The following SNTG2 variants were observed in gnomAD, a reference collection of about 807,000 sequenced individuals.
SNTG2 encodes syntrophin gamma 2.
Under a neutral mutation model 70.9 loss-of-function variants are expected in SNTG2, and 74 were observed. The observed-to-expected ratio is 1.04, with a 90% confidence interval of 0.86 to 1.27. The LOEUF (loss-of-function observed/expected upper bound fraction) is 1.27, where lower values mean the gene tolerates loss of function less well. Ranked by LOEUF, SNTG2 falls within the 50% of genes most tolerant of loss-of-function variation. SNTG2 has a pLI of 0.00. For missense variants in SNTG2, 717 were observed against 690.7 expected (o/e 1.04, Z -0.43); for synonymous variants, 278 against 273.8 (o/e 1.02, Z -0.15).
intron 14 of SNTG2, among the ~76,000 whole-genome samples, chr2:1,289,253 A>G (rs1679892038): frequency 6.6e-6 from 1 of 152,066 alleles, no homozygotes; most frequent in African/African-American, 2.4e-5. Context: ...CCTCAGACCC[A>G]CATCCCCAGG....
At chr2:1,134,781 G>A (rs1285672731) in intron 4 of SNTG2, among the ~76,000 whole-genome samples, 3 of 152,156 alleles carry the variant, frequency 2.0e-5, no homozygotes, top group African/African-American at 7.2e-5. Flanking sequence ...AGGGGGCGTC[G>A]CTCGTTGGGG....
intron 9 of SNTG2, chr2:1,210,365 T>C (rs1673958511): frequency 6.6e-6 from 1 of 152,094 alleles, no homozygotes; most frequent in African/African-American, 2.4e-5. Flanking sequence ...GATGGATGGA[T>C]AGGTAGATAG....
At chr2:1,276,585 C>A (rs1679278523) in intron 14 of SNTG2, among the ~76,000 whole-genome samples, 1 of 152,202 alleles carries the variant, frequency 6.6e-6, no homozygotes, top group Non-Finnish European at 1.5e-5. Flanking sequence ...ATTGACAATG[C>A]AATTGGTCAC....
chr2:1,309,124 A>C (rs1680854730), intron 15 of SNTG2, among the ~76,000 whole-genome samples: 1 of 152,232 alleles, frequency 6.6e-6, no homozygotes, highest in Non-Finnish European at 1.5e-5. Flanking sequence ...CTCTGTGTTA[A>C]TTAAGAATGA....
chr2:1,254,135 G>A (rs1677914919), intron 12 of SNTG2, among the ~76,000 whole-genome samples: 1 of 152,224 alleles, frequency 6.6e-6, no homozygotes, highest in South Asian at 2.1e-4. Flanking sequence ...AACCGTATCA[G>A]AAGGGAAATG....
At chr2:1,134,540 C>T (rs1668238955) in intron 4 of SNTG2, among the ~76,000 whole-genome samples, 1 of 151,978 alleles carries the variant, frequency 6.6e-6, no homozygotes, top group African/African-American at 2.4e-5. Flanking sequence ...ACACAGGATG[C>T]TGATTGGTGT....
intron 4 of SNTG2, among the ~76,000 whole-genome samples, chr2:1,117,765 G>A (rs1046319703): frequency 9.8e-5 from 15 of 152,312 alleles, no homozygotes; most frequent in South Asian, 6.2e-4. Context: ...CCCAGGCTGC[G>A]CTGGCATCTT....
At chr2:1,179,320 TTTAG>T (rs1671702323) in intron 8 of SNTG2, among the ~76,000 whole-genome samples, 1 of 152,166 alleles carries the variant, frequency 6.6e-6, no homozygotes, top group Non-Finnish European at 1.5e-5. Context: ...CTGCTCTGAT[TTTAG>T]TTAGCCCAAA....
chr2:1,186,500 A>C (rs1033646482), intron 8 of SNTG2, among the ~76,000 whole-genome samples: 2 of 152,200 alleles, frequency 1.3e-5, no homozygotes, highest in African/African-American at 4.8e-5. Flanking sequence ...TTTATCAAGA[A>C]AAGGGGTTTA....
intron 16 of SNTG2, among the ~76,000 whole-genome samples, chr2:1,321,550 G>A (rs1471100284): frequency 6.6e-6 from 1 of 152,120 alleles, no homozygotes; most frequent in Non-Finnish European, 1.5e-5. Context: ...CTTGGCAGGA[G>A]CACCGATCGA....
chr2:1,301,173 G>A (rs73177784), intron 14 of SNTG2, among the ~76,000 whole-genome samples: 1,755 of 152,210 alleles, frequency 0.012, 36 homozygotes, highest in African/African-American at 0.04. Flanking sequence ...GGGTCAAGGT[G>A]ACATGCATGG....
Position 957,458 on chromosome 2 carries a change from G to A in SNTG2, c.72+6390G>A, listed in dbSNP as rs182034895. Among the ~76,000 whole-genome samples the A allele has an allele frequency of 1.6e-4, 24 of 152,170 alleles. No individual in the cohort carries two copies. The East Asian group carries it at 4.6e-3, about 29-fold the overall frequency. On this transcript the variant is annotated intron_variant, in intron 1 of 16. Transcript: ENST00000308624. ...CTTTATCATGATGCACCTTACGTAC[G>A]TGCAGACACAGACACACAGAATTTA...
intron 6 of SNTG2, among the ~76,000 whole-genome samples, chr2:1,145,830 G>A (rs7560835): frequency 0.99 from 150,483 of 152,312 alleles, 74,363 homozygotes; most frequent in Middle Eastern, 1. Context: ...ATGGAATTCA[G>A]CAACGTCTAA....
Position 1,061,649 on chromosome 2 carries a change from G to A in SNTG2, c.73-21869G>A, listed in dbSNP as rs1662832277. Reference sequence around the variant, plus strand: ...AGAAATCATAAAGGAAATTGTGGGTGCTCTGTGTCCTGCTCGTCTCTGAGT... The same window carrying A: ...AGAAATCATAAAGGAAATTGTGGGTACTCTGTGTCCTGCTCGTCTCTGAGT... On this transcript the variant is annotated intron_variant, in intron 1 of 16. Coordinates refer to ENST00000308624, the MANE Select transcript of SNTG2 (RefSeq NM_018968.4). 2.0e-5 allele frequency among the ~76,000 whole-genome samples: 3 copies of A among 152,218 alleles called. No individual in the cohort carries two copies. The South Asian group carries it at 6.2e-4, about 32-fold the overall frequency.
intron 1 of SNTG2, among the ~76,000 whole-genome samples, chr2:1,065,632 A>G (rs1189938514): frequency 6.6e-6 from 1 of 152,248 alleles, no homozygotes; most frequent in Non-Finnish European, 1.5e-5. Context: ...AAAAAATTGT[A>G]TTTAGCAATA....
intron 8 of SNTG2, among the ~76,000 whole-genome samples, chr2:1,179,650 T>C (rs899353209): frequency 4.6e-5 from 7 of 151,924 alleles, no homozygotes; most frequent in African/African-American, 1.7e-4. Flanking sequence ...CCCAAGGTAA[T>C]TTATAGATTC....
chr2:1,143,577 T>G (rs1469281378), intron 6 of SNTG2, among the ~76,000 whole-genome samples: 1 of 151,420 alleles, frequency 6.6e-6, no homozygotes, highest in Admixed American at 6.6e-5. Context: ...CCGTCGAAAA[T>G]ATGATATTTG....
At chr2:1,170,233 A>T (rs901893849) in intron 7 of SNTG2, among the ~76,000 whole-genome samples, 14 of 152,254 alleles carry the variant, frequency 9.2e-5, no homozygotes, top group Admixed American at 6.5e-4. Context: ...TTTTATAAAG[A>T]TACAATTCAT....
At chr2:1,126,237 G>A (rs572937897) in intron 4 of SNTG2, among the ~76,000 whole-genome samples, 1 of 152,168 alleles carries the variant, frequency 6.6e-6, no homozygotes, top group Non-Finnish European at 1.5e-5. Context: ...AACATGCAGT[G>A]TTTAACTTCC....
Sources: allele counts gnomAD v4.1 joint callset (sites outside exome capture counted in the v4.1 genomes callset), GRCh38; gene constraint gnomAD v4.1.1; transcripts MANE v1.5; gene names NCBI Gene and HGNC (gene_info 2026-07-23, HGNC 2026-07-21).